The following ADAM23 variants were observed in gnomAD, a reference collection of about 807,000 sequenced individuals.
ADAM23 encodes disintegrin and metalloproteinase domain-containing protein 23.
A neutral mutation model predicts 120.1 loss-of-function variants in ADAM23; 33 were observed. The observed-to-expected ratio is 0.27, with a 90% CI of 0.21 to 0.37. ADAM23 has a LOEUF of 0.37. ADAM23 is among the 10% of genes least tolerant of loss of function. The probability of loss-of-function intolerance (pLI) is 1.00; values close to 1 mark genes in which losing one functional copy is unlikely to be tolerated. For synonymous variants in ADAM23, 367 were observed against 375.2 expected, an observed-to-expected ratio of 0.98 and a Z score of 0.25; for missense variants, 862 against 1,058.2, an observed-to-expected ratio of 0.81 and a Z score of 2.57.
At position 206,587,345 on chromosome 2, in the gene ADAM23, G is replaced by A. The variant is rs780596963; in HGVS notation, c.1758G>A (p.Lys586=). 1 of 1,607,842 alleles carries A rather than the reference G, an allele frequency of 6.2e-7. No homozygotes were observed. Among genetic ancestry groups the A allele is most frequent in the South Asian group, 1.1e-5 (1 of 89,594 alleles). The change falls in exon 19 of 26, where the codon AAG becomes AAA. Residue 586 remains lysine (K), a synonymous_variant. Transcript: ENST00000264377. Reference sequence around the variant, plus strand: ...TGCAGTGCCCACCAAATCTTCATAAGCAAGACGGATATGCATGCAATCAAA... The same window carrying A: ...TGCAGTGCCCACCAAATCTTCATAAACAAGACGGATATGCATGCAATCAAA... ...DSGQCPPNLH[K]QDGYACNQNQ...
chr2:206,529,947 G>A (rs918035664), intron 3 of ADAM23, among the ~76,000 whole-genome samples: 5 of 152,060 alleles, frequency 3.3e-5, no homozygotes, highest in African/African-American at 7.2e-5. Context: ...GTGTAGCTGC[G>A]ATTACAGGTG....
At chr2:206,456,148 G>A (rs1574476864) in intron 2 of ADAM23, among the ~76,000 whole-genome samples, 2 of 152,248 alleles carry the variant, frequency 1.3e-5, no homozygotes, top group East Asian at 3.9e-4. Flanking sequence ...AGTTCCGTAA[G>A]CTATACAGGA....
chr2:206,557,312 A>G, intron 9 of ADAM23, 115 bp from the exon 10 acceptor site: 1 of 878,644 alleles, frequency 1.1e-6, no homozygotes, highest in Non-Finnish European at 1.8e-6. Flanking sequence ...AAACTAAATT[A>G]TATATTTTTA....
At chr2:206,504,154 A>G (rs930275732) in intron 3 of ADAM23, among the ~76,000 whole-genome samples, 6 of 152,132 alleles carry the variant, frequency 3.9e-5, no homozygotes, top group African/African-American at 1.4e-4. Flanking sequence ...CTTTAATACA[A>G]CTTTTAAAAA....
intron 24 of ADAM23, among the ~76,000 whole-genome samples, chr2:206,601,806 T>C (rs2105857956): frequency 6.6e-6 from 1 of 151,522 alleles, no homozygotes; most frequent in Non-Finnish European, 1.5e-5. Context: ...TATTAAGTTA[T>C]TCTGCTAGTT....
At chr2:206,518,660 A>G (rs1696781867) in intron 3 of ADAM23, among the ~76,000 whole-genome samples, 1 of 152,178 alleles carries the variant, frequency 6.6e-6, no homozygotes, top group Non-Finnish European at 1.5e-5. Flanking sequence ...TCTCAGATGA[A>G]TTTCTATGTA....
chr2:206,482,664 A>C (rs1224976175), intron 3 of ADAM23, among the ~76,000 whole-genome samples: 1 of 152,210 alleles, frequency 6.6e-6, no homozygotes, highest in African/African-American at 2.4e-5. Context: ...TTGAGCACCT[A>C]TTATGAGCAG....
intron 1 of ADAM23, among the ~76,000 whole-genome samples, chr2:206,444,823 T>C (rs1178890839): frequency 6.6e-6 from 1 of 152,218 alleles, no homozygotes; most frequent in Non-Finnish European, 1.5e-5. Flanking sequence ...CGATTAATAT[T>C]CGGTATCCAT....
chr2:206,563,727 C>CTTT (rs3084932), intron 13 of ADAM23, among the ~76,000 whole-genome samples: 2 of 140,506 alleles, frequency 1.4e-5, no homozygotes, highest in Non-Finnish European at 3.1e-5. Context: ...TCCTAAAATT[C>CTTT]TTTTTTTTTT....
At chr2:206,445,658 G>A in intron 2 of ADAM23, 134 bp downstream of exon 2, 1 of 738,428 alleles carries the variant, frequency 1.4e-6, no homozygotes, top group Non-Finnish European at 2.2e-6. Context: ...TATGATAGGG[G>A]AGAAACTGGA....
intron 2 of ADAM23, among the ~76,000 whole-genome samples, chr2:206,450,429 C>A (rs1045692368): frequency 6.6e-6 from 1 of 152,060 alleles, no homozygotes; most frequent in African/African-American, 2.4e-5. Flanking sequence ...ATGTAGTAGG[C>A]CTTCTGTGGA....
At position 206,496,658 on chromosome 2, in the gene ADAM23, C is replaced by G. The variant is rs573921790; in HGVS notation, c.509+15350C>G. On this transcript the variant is annotated intron_variant, in intron 3 of 25. Coordinates refer to ENST00000264377, the MANE Select transcript of ADAM23 (RefSeq NM_003812.4). ...GCAAGAAATAACTAAGATCAGAGCA[C>G]AACTGAAGGAAATAGAGACACAAAA... 1.2e-4 allele frequency among the ~76,000 whole-genome samples: 18 copies of G among 151,886 alleles called. No homozygotes were observed. The East Asian group carries it at 2.5e-3, about 21-fold the overall frequency.
intron 2 of ADAM23, among the ~76,000 whole-genome samples, chr2:206,459,681 A>G (rs1268828655): frequency 6.6e-6 from 1 of 152,178 alleles, no homozygotes; most frequent in Non-Finnish European, 1.5e-5. Context: ...GATGTCTTAT[A>G]GGCAACTCAA....
At chr2:206,499,112 G>A (rs1696323981) in intron 3 of ADAM23, among the ~76,000 whole-genome samples, 3 of 151,910 alleles carry the variant, frequency 2.0e-5, no homozygotes, top group African/African-American at 7.3e-5. Flanking sequence ...TCTAGAACTA[G>A]AAATACCATT....
chr2:206,538,960 T>C (rs1009246599), intron 4 of ADAM23, among the ~76,000 whole-genome samples: 2 of 152,126 alleles, frequency 1.3e-5, no homozygotes, highest in African/African-American at 2.4e-5. Flanking sequence ...GATCTTTTTT[T>C]CCCTACAAGT....
intron 3 of ADAM23, among the ~76,000 whole-genome samples, chr2:206,522,756 T>C (rs1049816960): frequency 8.5e-5 from 13 of 152,106 alleles, no homozygotes; most frequent in Non-Finnish European, 1.3e-4. Flanking sequence ...TGTAACTATG[T>C]GCAGAAGATA....
chr2:206,581,569 C>T (rs1698219083), intron 18 of ADAM23, among the ~76,000 whole-genome samples: 1 of 152,174 alleles, frequency 6.6e-6, no homozygotes, highest in Non-Finnish European at 1.5e-5. Flanking sequence ...TTTTATTCCA[C>T]TGTGATCTGA....
At chr2:206,541,630 GTTAATT>G (rs1697291191) in intron 4 of ADAM23, among the ~76,000 whole-genome samples, 1 of 152,054 alleles carries the variant, frequency 6.6e-6, no homozygotes, top group South Asian at 2.1e-4. Flanking sequence ...TGTTTTTAAA[GTTAATT>G]TTTAAAGGTA....
intron 2 of ADAM23, among the ~76,000 whole-genome samples, chr2:206,473,607 A>G (rs1277356086): frequency 6.6e-6 from 1 of 150,996 alleles, no homozygotes; most frequent in Non-Finnish European, 1.5e-5. Context: ...AATAACAACA[A>G]CAACAACAAC....
Sources: gnomAD v4.1 joint callset for allele counts (sites outside exome capture counted in the v4.1 genomes callset) on GRCh38, gnomAD v4.1.1 for gene constraint, MANE v1.5 for transcripts, NCBI Gene and HGNC (gene_info 2026-07-23, HGNC 2026-07-21) for gene names.